RAB2B: variants seen among roughly 807,000 people sequenced by gnomAD.
RAB2B encodes RAB2B, member RAS oncogene family.
In RAB2B, 20 loss-of-function variants were observed where a neutral mutation model predicts 29.8. The observed-to-expected ratio is 0.67, with a 90% confidence interval of 0.47 to 0.97. RAB2B has a LOEUF of 0.97. Ranked by LOEUF, RAB2B falls within the 50% of genes least tolerant of loss-of-function variation. RAB2B has a pLI of 0.00. For missense variants in RAB2B, 218 were observed against 272.0 expected (o/e 0.80, Z 1.40); for synonymous variants, 93 against 91.7 (o/e 1.01, Z -0.08).
At position 21,460,239 on chromosome 14, in the gene RAB2B, T is replaced by G; in HGVS notation, c.*957A>C. ...ATCTAGGTAATTGCAAGTGTTCAAA[T>G]AGAATGTCTTTGACCCTAATTCTTA... On this transcript the variant is annotated 3_prime_UTR_variant, in exon 8 of 8. Transcript: ENST00000397762. 1.9e-6 allele frequency: 1 copy of G among 518,526 alleles called. No individual in the cohort carries two copies. Among genetic ancestry groups the G allele is most frequent in the Non-Finnish European group, 3.8e-6 (1 of 259,742 alleles). 32.1% of individuals were successfully genotyped at this position (518,526 alleles called of 1,614,324 possible).
In RAB2B at chr14:21,474,278, A is replaced by C. The variant is rs780599037; in HGVS notation, c.186+589T>G. ...CTATCAGTAGGATGATGGTTACATA[A>C]ATCATGCTACTGACATTCCATGACT... On this transcript the variant is annotated intron_variant, in intron 3 of 7. Coordinates refer to ENST00000397762, the MANE Select transcript of RAB2B (RefSeq NM_032846.4). 7.9e-5 allele frequency among the ~76,000 whole-genome samples: 12 copies of C among 152,370 alleles called. No homozygotes were observed. The South Asian group carries it at 8.3e-4, about 11-fold the overall frequency.
intron 3 of RAB2B, among the ~76,000 whole-genome samples, chr14:21,472,565 A>G (rs1890844538): frequency 6.6e-6 from 1 of 152,310 alleles, no homozygotes; most frequent in East Asian, 1.9e-4. Flanking sequence ...TAAAATTTTC[A>G]AAATATATAG....
chr14:21,461,303 C>A lies in RAB2B; in HGVS notation c.544G>T (p.Ala182Ser). Residue 182 changes from alanine (A) to serine (S), a missense_variant and splice_region_variant, in exon 8 of 8, where the codon GCA becomes TCA. Transcript: ENST00000397762. The part of the protein sequence containing the change: ...QQGLFDVHNE[A>S]NGIKIGPQQS... Reference sequence around the variant, plus strand: ...TGGGGCCCAATCTTGATGCCATTTGCCTGTAAAAGAAAAGAGGCAATAGTT... The same window carrying A: ...TGGGGCCCAATCTTGATGCCATTTGACTGTAAAAGAAAAGAGGCAATAGTT... 6.2e-7 allele frequency: 1 copy of A among 1,609,326 alleles called. No homozygotes were observed. Among genetic ancestry groups the A allele is most frequent in the Non-Finnish European group, 8.5e-7 (1 of 1,177,114 alleles).
At chr14:21,469,623 A>G (rs1040721801) in intron 3 of RAB2B, among the ~76,000 whole-genome samples, 3 of 152,202 alleles carry the variant, frequency 2.0e-5, no homozygotes, top group African/African-American at 7.2e-5. Context: ...TTTTTAAATA[A>G]TATGAATACC....
At chr14:21,462,967 T>C (rs772649502) in intron 6 of RAB2B, among the ~76,000 whole-genome samples, 3 of 152,112 alleles carry the variant, frequency 2.0e-5, no homozygotes, top group Non-Finnish European at 4.4e-5. Context: ...ACCCAAGATG[T>C]TCCTAGGCTG....
At chr14:21,467,198 C>T (rs1184339667) in intron 5 of RAB2B, among the ~76,000 whole-genome samples, 2 of 152,022 alleles carry the variant, frequency 1.3e-5, no homozygotes, top group African/African-American at 2.4e-5. Flanking sequence ...TGAGCCACCA[C>T]GCCTGGCATA....
intron 3 of RAB2B, among the ~76,000 whole-genome samples, chr14:21,471,845 T>C (rs1441139741): frequency 6.6e-6 from 1 of 151,846 alleles, no homozygotes; most frequent in Non-Finnish European, 1.5e-5. Context: ...CTGGCTAATT[T>C]TTTTATTTTT....
chr14:21,474,989 G>C, intron 2 of RAB2B, 55 bp from the exon 3 acceptor site: 1 of 1,444,252 alleles, frequency 6.9e-7, no homozygotes, highest in Non-Finnish European at 9.7e-7. Flanking sequence ...CAGCCACGTG[G>C]AGTGGGAGGT....
Position 21,459,072 on chromosome 14 carries a change from A to G in RAB2B, c.*2124T>C, listed in dbSNP as rs1397726050. The stretch of plus-strand genomic sequence containing the variant: ...AATGAAACAATTCATCAACAGCAAA[A>G]AGAAAGTAGAAAAATTCGTAAGACC... On this transcript the variant is annotated 3_prime_UTR_variant, in exon 8 of 8. Coordinates refer to ENST00000397762, the MANE Select transcript of RAB2B (RefSeq NM_032846.4). 1 of 152,652 alleles carries G rather than the reference A, an allele frequency of 6.6e-6. No individual in the cohort carries two copies. The highest frequency in any genetic ancestry group is 1.5e-5 in the Non-Finnish European group (1 of 68,042). The allele number at this position is 152,652 out of a possible 1,614,324, so 9.5% of individuals were successfully genotyped here.
At chr14:21,471,434 T>C (rs995091694) in intron 3 of RAB2B, among the ~76,000 whole-genome samples, 1 of 151,914 alleles carries the variant, frequency 6.6e-6, no homozygotes, top group African/African-American at 2.4e-5. Context: ...CTGGGCAACA[T>C]GGTGAAACCA....
chr14:21,462,055 C>T (rs186035533), intron 7 of RAB2B, among the ~76,000 whole-genome samples: 13 of 152,284 alleles, frequency 8.5e-5, no homozygotes, highest in African/African-American at 1.4e-4. Context: ...ACCTCCCTTA[C>T]GTTCTAGAAT....
At chr14:21,467,073 CT>C (rs1397660490) in intron 5 of RAB2B, among the ~76,000 whole-genome samples, 7 of 151,456 alleles carry the variant, frequency 4.6e-5, no homozygotes, top group Non-Finnish European at 1.0e-4. Context: ...CGCCTGGCTA[CT>C]TTTTGTATTT....
At chr14:21,468,062 G>C (rs1229571520) in intron 5 of RAB2B, among the ~76,000 whole-genome samples, 1 of 152,088 alleles carries the variant, frequency 6.6e-6, no homozygotes, top group Non-Finnish European at 1.5e-5. Flanking sequence ...GGGGATGGGG[G>C]AGGGAAGATG....
chr14:21,461,235 C>T lies in RAB2B; in HGVS notation c.612G>A (p.Arg204=). The T allele has an allele frequency of 1.2e-6, 2 of 1,613,798 alleles. No individual in the cohort carries two copies. Among genetic ancestry groups the T allele is most frequent in the Non-Finnish European group, 1.7e-6 (2 of 1,179,848 alleles). The change falls in exon 8 of 8, where the codon CGG becomes CGA. Residue 204 remains arginine (R), a synonymous_variant. Coordinates refer to ENST00000397762, the MANE Select transcript of RAB2B (RefSeq NM_032846.4). ...AGTTGGACCCTATGTCACGAGAGTT[C>T]CGCTGGGAGGCACTGGGTCCCACTG... is the stretch of plus-strand genomic sequence containing the variant. ...STSVGPSASQ[R]NSRDIGSNSG...
chr14:21,466,875 T>C (rs1890698150), intron 5 of RAB2B, among the ~76,000 whole-genome samples: 1 of 152,132 alleles, frequency 6.6e-6, no homozygotes, highest in African/African-American at 2.4e-5. Context: ...CATAGAGGTC[T>C]TTAGTAAGTA....
At chr14:21,475,391 TAAGAA>T (rs1312241001) in intron 2 of RAB2B, among the ~76,000 whole-genome samples, 5 of 151,592 alleles carry the variant, frequency 3.3e-5, no homozygotes, top group Non-Finnish European at 7.4e-5. Flanking sequence ...TGTTTTTCTT[TAAGAA>T]AAGAGCCTAA....
chr14:21,468,332 A>G (rs376950635), intron 5 of RAB2B, 25 bp downstream of exon 5: 21 of 1,561,252 alleles, frequency 1.3e-5, no homozygotes, highest in Non-Finnish European at 1.8e-5. Context: ...CCTGTTAACT[A>G]TTATTCACAT....
chr14:21,465,902 A>C (rs1215516745), intron 5 of RAB2B, among the ~76,000 whole-genome samples: 2 of 149,342 alleles, frequency 1.3e-5, no homozygotes, highest in African/African-American at 5.0e-5. Context: ...TGTTCCCCCC[A>C]AGTAATACCC....
intron 4 of RAB2B, 94 bp downstream of exon 4, chr14:21,468,576 T>C (rs954611479): frequency 1.6e-6 from 2 of 1,259,446 alleles, no homozygotes; most frequent in Non-Finnish European, 2.2e-6. Context: ...CATTCCTAGT[T>C]AACATCCTTA....
Sources: allele counts gnomAD v4.1 joint callset (sites outside exome capture counted in the v4.1 genomes callset), GRCh38; gene constraint gnomAD v4.1.1; transcripts MANE v1.5; gene names NCBI Gene and HGNC (gene_info 2026-07-23, HGNC 2026-07-21).